The following CUL9 variants were observed in gnomAD, a reference collection of about 807,000 sequenced individuals.
CUL9 encodes cullin-9.
In CUL9, 79 loss-of-function variants were observed where a neutral mutation model predicts 272.6. The observed-to-expected ratio is 0.29, with a 90% CI of 0.24 to 0.35. The LOEUF (loss-of-function observed/expected upper bound fraction) is 0.35, where lower values mean the gene tolerates loss of function less well. Among genes scored for constraint, CUL9 ranks in the 10% least tolerant of loss-of-function variants. CUL9 has a pLI of 1.00. For missense variants in CUL9, 2,532 were observed against 3,255.6 expected, an observed-to-expected ratio of 0.78 and a Z score of 5.41; for synonymous variants, 1,186 against 1,286.5, an observed-to-expected ratio of 0.92 and a Z score of 1.67.
chr6:43,204,615 C>T, intron 21 of CUL9, 76 bp downstream of exon 21: 2 of 1,593,508 alleles, frequency 1.3e-6, no homozygotes, highest in Non-Finnish European at 1.7e-6. Context: ...CTGGGTCTTA[C>T]TCTTGCTGCT....
intron 11 of CUL9, among the ~76,000 whole-genome samples, chr6:43,197,506 TG>T (rs1774103311): frequency 6.6e-6 from 1 of 151,568 alleles, no homozygotes; most frequent in Admixed American, 6.6e-5. Context: ...TTTTTGGAGG[TG>T]GAGTCTCACT....
In CUL9 at chr6:43,223,795, G is replaced by GACTCAC; in HGVS notation, c.7285-299_7285-298insCTCACA. 1 of 521,164 alleles carries GACTCAC rather than the reference G, an allele frequency of 1.9e-6. No homozygotes were observed. The highest frequency in any genetic ancestry group is 3.2e-5 in the Admixed American group (1 of 31,718). 32.3% of individuals were successfully genotyped at this position (521,164 alleles called of 1,614,324 possible). A position where few individuals can be genotyped will look rare whatever the true frequency, so the allele number is the denominator to read the frequency against. On this transcript the variant is annotated intron_variant, in intron 39 of 40. Coordinates refer to ENST00000252050, the MANE Select transcript of CUL9 (RefSeq NM_015089.4). This position sits in a 1 kb window ranked among gnomAD's most constrained non-coding sequence, Gnocchi z 4.1. ...TCTCCAGCTCTAATGCACTGATGCT[G>GACTCAC]AGTCTAAACTGTGAGTCCTGTCCTC...
chr6:43,201,683 G>C (rs980783976), intron 16 of CUL9, among the ~76,000 whole-genome samples: 4 of 152,148 alleles, frequency 2.6e-5, no homozygotes, highest in Admixed American at 1.3e-4. Flanking sequence ...GTTTCACCGT[G>C]TTAGTCAGGA....
chr6:43,205,012 G>C lies in CUL9; in HGVS notation c.4529G>C (p.Arg1510Thr), dbSNP rs766467163. The change falls in exon 23 of 41, where the codon AGA (arginine) becomes ACA (threonine). Residue 1510 changes from arginine to threonine, a missense_variant. By Grantham distance (71) the Arg-to-Thr change is moderately conservative. This residue lies in a region of CUL9 where 2,218 missense variants were observed against 2,788.6 expected (regional missense o/e 0.80). Coordinates refer to ENST00000252050, the MANE Select transcript of CUL9 (RefSeq NM_015089.4). Reference sequence around the variant, plus strand: ...TGTAAACTCTATGAGCACTTGCAGAGAGCAGGCTCCGAGCTGTTTGGGCCT... The same window carrying C: ...TGTAAACTCTATGAGCACTTGCAGACAGCAGGCTCCGAGCTGTTTGGGCCT... ...RYCKLYEHLQ[R>T]AGSELFGPRA... 5 of 1,613,506 alleles carry C rather than the reference G, an allele frequency of 3.1e-6. No individual in the cohort carries two copies. Among genetic ancestry groups the C allele is most frequent in the Non-Finnish European group, 4.2e-6 (5 of 1,179,728 alleles).
Position 43,199,650 on chromosome 6 carries a change from G to A in CUL9, c.3156+279G>A, listed in dbSNP as rs1774342338. ...CAGCTGTCCTCCCTTCCGGGTTTGT[G>A]CATTGGAGAGCAAGGCTCAGGCACC... On this transcript the variant is annotated intron_variant, in intron 13 of 40. Transcript: ENST00000252050. This position sits in a 1 kb window ranked among gnomAD's most constrained non-coding sequence, Gnocchi z 4.4. 6.6e-6 allele frequency among the ~76,000 whole-genome samples: 1 copy of A among 152,196 alleles called. No individual in the cohort carries two copies. Among genetic ancestry groups the A allele is most frequent in the Non-Finnish European group, 1.5e-5 (1 of 68,038 alleles).
chr6:43,193,569 A>G (rs1034017467), intron 9 of CUL9, among the ~76,000 whole-genome samples: 1 of 151,858 alleles, frequency 6.6e-6, no homozygotes, highest in Non-Finnish European at 1.5e-5. Context: ...TTTGTTTGTG[A>G]TGGAGTCTCG....
rs773493403 is a variant in CUL9, at chr6:43,186,207, C to T, written c.1003C>T (p.Arg335Trp). Reference protein sequence around the residue: ...EQGMSPPRPTRSIFQPYISGP... With the variant: ...EQGMSPPRPTWSIFQPYISGP... ...GGGCATGTCACCTCCCCGGCCAACC[C>T]GGTCCATCTTTCAGCCCTACATTTC... The change falls in exon 4 of 41, where the codon CGG becomes TGG. Residue 335 changes from arginine (R) to tryptophan (W), a missense_variant. Around this residue, in one of 3 missense-constraint regions of CUL9, gnomAD observed 2,218 missense variants for 2,788.6 expected, o/e 0.80. Transcript: ENST00000252050. 17 of 1,614,128 alleles carry T rather than the reference C, an allele frequency of 1.1e-5. No individual in the cohort carries two copies. Among genetic ancestry groups the T allele is most frequent in the South Asian group, 8.8e-5 (8 of 91,088 alleles).
At position 43,222,584 on chromosome 6, in the gene CUL9, G is replaced by C. The variant is rs150159860; in HGVS notation, c.6975G>C (p.Pro2325=). The C allele has an allele frequency of 7.4e-6, 12 of 1,613,370 alleles. No homozygotes were observed. Among genetic ancestry groups the C allele is most frequent in the Admixed American group, 1.7e-5 (1 of 60,004 alleles). Residue 2325 remains proline (P), a synonymous_variant, in exon 37 of 41, where the codon CCG becomes CCC. Transcript: ENST00000252050. Reference sequence around the variant, plus strand: ...TGTCTGCCATCCATGAAGTGCCCCCGCCCAGATCCTTCACCTTCCTCAATG... The same window carrying C: ...TGTCTGCCATCCATGAAGTGCCCCCCCCCAGATCCTTCACCTTCCTCAATG... ...NRVSAIHEVP[P]PRSFTFLNDA...
rs1368531694 is a variant in CUL9, at chr6:43,213,517, C to T, written c.5438C>T (p.Ser1813Leu). 6.2e-7 allele frequency: 1 copy of T among 1,613,940 alleles called. No homozygotes were observed. The highest frequency in any genetic ancestry group is 1.1e-5 in the South Asian group (1 of 91,084). Residue 1813 changes from serine to leucine, a missense_variant, in exon 28 of 41, where the codon TCA becomes TTA. Physicochemically the swap from Ser to Leu is moderately radical, Grantham distance 145. Around this residue, in one of 3 missense-constraint regions of CUL9, gnomAD observed 2,218 missense variants for 2,788.6 expected, o/e 0.80. Transcript: ENST00000252050. The surrounding 1 kb of genome is among the most constrained non-coding windows in gnomAD (Gnocchi z 5.7). Reference sequence around the variant, plus strand: ...CTCCAGGCACTCGTGCCCCTCACCTCAGGGAATGGCCCTTTGACCCTGCAT... The same window carrying T: ...CTCCAGGCACTCGTGCCCCTCACCTTAGGGAATGGCCCTTTGACCCTGCAT... Reference protein sequence around the residue: ...LLLQALVPLTSGNGPLTLHEG... With the variant: ...LLLQALVPLTLGNGPLTLHEG...
At chr6:43,190,050 A>C (rs112331171) in intron 8 of CUL9, among the ~76,000 whole-genome samples, 1 of 151,484 alleles carries the variant, frequency 6.6e-6, no homozygotes, top group Admixed American at 6.6e-5. Flanking sequence ...AGTGTCTTAG[A>C]GGGCTTTCCA....
Position 43,185,991 on chromosome 6 carries a change from T to C in CUL9, c.787T>C (p.Tyr263His), listed in dbSNP as rs763412061. 4 of 1,612,964 alleles carry C rather than the reference T, an allele frequency of 2.5e-6. No homozygotes were observed. Among genetic ancestry groups the C allele is most frequent in the Non-Finnish European group, 3.4e-6 (4 of 1,179,194 alleles). The change falls in exon 4 of 41, where the codon TAC becomes CAC. Residue 263 changes from tyrosine (Y) to histidine (H), a missense_variant. Around this residue, in one of 3 missense-constraint regions of CUL9, gnomAD observed 2,218 missense variants for 2,788.6 expected, o/e 0.80. Coordinates refer to ENST00000252050, the MANE Select transcript of CUL9 (RefSeq NM_015089.4). ...GKLLFSLVKR[Y>H]LCVTSLLDQL... ...GCTGCTTTTCTCCTTGGTGAAGCGCTACCTTTGTGTCACGTCCCTCCTGGA... is the reference window on the plus strand; with the variant it reads ...GCTGCTTTTCTCCTTGGTGAAGCGCCACCTTTGTGTCACGTCCCTCCTGGA...
chr6:43,203,030 ACT>A lies in CUL9; in HGVS notation c.3754-78_3754-77del. On this transcript the variant is annotated intron_variant, in intron 17 of 40. Transcript: ENST00000252050. This position sits in a 1 kb window ranked among gnomAD's most constrained non-coding sequence, Gnocchi z 5.0. ...AAGTGAAGGGCACACACCATGACCG[ACT>A]TGGTTACTGTCAACAATTTTTCCAA... 1 of 1,500,206 alleles carries A rather than the reference ACT, an allele frequency of 6.7e-7. No individual in the cohort carries two copies. The highest frequency in any genetic ancestry group is 9.3e-7 in the Non-Finnish European group (1 of 1,079,640). 92.9% of individuals were successfully genotyped at this position (1,500,206 alleles called of 1,614,324 possible).
chr6:43,185,153 TG>T (rs950750261), intron 2 of CUL9, among the ~76,000 whole-genome samples: 25 of 152,258 alleles, frequency 1.6e-4, no homozygotes, highest in African/African-American at 5.8e-4. Flanking sequence ...TCTGTATTTT[TG>T]AAACTGGATT....
intron 37 of CUL9, 50 bp downstream of exon 37, chr6:43,222,691 C>G (rs1233700558): frequency 6.2e-7 from 1 of 1,605,318 alleles, no homozygotes; most frequent in African/African-American, 1.3e-5. Flanking sequence ...CCAAATGGGT[C>G]TGGGGGGCTT....
chr6:43,222,063 C>T (rs1776411820), intron 35 of CUL9: 1 of 598,310 alleles, frequency 1.7e-6, no homozygotes, highest in Non-Finnish European at 3.0e-6. Context: ...CAGGAAAGAG[C>T]AGGGACCCTG....
At chr6:43,183,525 C>T (rs1355589094) in intron 1 of CUL9, among the ~76,000 whole-genome samples, 1 of 152,182 alleles carries the variant, frequency 6.6e-6, no homozygotes, top group Admixed American at 6.5e-5. Flanking sequence ...GTTCTGATCC[C>T]ACTGCCTCAC....
intron 26 of CUL9, among the ~76,000 whole-genome samples, chr6:43,208,904 G>C (rs1193524368): frequency 3.3e-5 from 5 of 152,014 alleles, no homozygotes; most frequent in Non-Finnish European, 7.4e-5. Flanking sequence ...GCAGTGTCAC[G>C]ATCTCAGGTG....
At chr6:43,190,467 GAAT>G (rs1382404612) in intron 8 of CUL9, among the ~76,000 whole-genome samples, 1 of 150,656 alleles carries the variant, frequency 6.6e-6, no homozygotes, top group Non-Finnish European at 1.5e-5. Context: ...TTTGGTTATA[GAAT>G]AATACATATG....
At chr6:43,207,264 G>A (rs963225191) in intron 26 of CUL9, among the ~76,000 whole-genome samples, 5 of 151,986 alleles carry the variant, frequency 3.3e-5, no homozygotes, top group African/African-American at 4.8e-5. Context: ...TTCCAGCATC[G>A]TAGAAGGCTG....
Sources: allele counts gnomAD v4.1 joint callset (sites outside exome capture counted in the v4.1 genomes callset), GRCh38; gene constraint gnomAD v4.1.1; regional missense constraint gnomAD v4.1.1; non-coding constraint Gnocchi (gnomAD v3.1); transcripts MANE v1.5; gene names NCBI Gene and HGNC (gene_info 2026-07-23, HGNC 2026-07-21).